Variants in ERC2 observed in about 807,000 individuals in gnomAD.
ERC2 encodes the protein ERC protein 2.
Under a neutral mutation model 114.8 loss-of-function variants are expected in ERC2, and 42 were observed. The ratio of observed to expected loss-of-function variants is 0.37; its 90% CI spans 0.29 to 0.47. ERC2 has a LOEUF of 0.47. ERC2 is among the 20% of genes least tolerant of loss of function. The pLI is 0.99. For synonymous variants in ERC2, 454 were observed against 425.5 expected (o/e 1.07, Z -0.82); for missense variants, 939 against 1,150.7 (o/e 0.82, Z 2.66).
At chr3:55,754,064 T>A (rs1340381867) in intron 14 of ERC2, among the ~76,000 whole-genome samples, 3 of 152,230 alleles carry the variant, frequency 2.0e-5, no homozygotes, top group Non-Finnish European at 2.9e-5. Flanking sequence ...TTATTATTAT[T>A]ATAAATGCAA....
At chr3:56,028,471 T>C (rs1373260311) in intron 7 of ERC2, among the ~76,000 whole-genome samples, 2 of 152,136 alleles carry the variant, frequency 1.3e-5, no homozygotes, top group African/African-American at 4.8e-5. Flanking sequence ...TCTTCTTTAG[T>C]TGTGCTCATT....
intron 7 of ERC2, among the ~76,000 whole-genome samples, chr3:56,053,307 A>G (rs746107978): frequency 2.6e-5 from 4 of 152,158 alleles, no homozygotes; most frequent in Non-Finnish European, 4.4e-5. Context: ...AGTGAGCAGT[A>G]TAACGGGGAT....
intron 2 of ERC2, among the ~76,000 whole-genome samples, chr3:56,365,133 T>G (rs60419369): frequency 0.044 from 6,717 of 152,320 alleles, 173 homozygotes; most frequent in East Asian, 0.078. Flanking sequence ...TTGGCGGCTA[T>G]TATTTTTACT....
chr3:55,947,157 C>T (rs535192163), intron 13 of ERC2, among the ~76,000 whole-genome samples: 1 of 152,248 alleles, frequency 6.6e-6, no homozygotes, highest in African/African-American at 2.4e-5. Flanking sequence ...TCGGAGGTCC[C>T]ATCACCCTAG....
intron 7 of ERC2, among the ~76,000 whole-genome samples, chr3:56,074,059 A>C (rs1241918814): frequency 6.6e-6 from 1 of 152,148 alleles, no homozygotes; most frequent in Admixed American, 6.5e-5. Flanking sequence ...TTTGTCCTAA[A>C]AAGAGGGGTT....
intron 17 of ERC2, among the ~76,000 whole-genome samples, chr3:55,616,253 G>T (rs1023304630): frequency 1.3e-5 from 2 of 152,192 alleles, no homozygotes; most frequent in African/African-American, 4.8e-5. Context: ...TAAAGGCAGG[G>T]TGCCTAACTC....
chr3:56,041,601 C>T (rs1016283502), intron 7 of ERC2, among the ~76,000 whole-genome samples: 8 of 152,136 alleles, frequency 5.3e-5, no homozygotes, highest in Non-Finnish European at 1.2e-4. Flanking sequence ...TCCACCTTTC[C>T]TCTCTCACTT....
intron 2 of ERC2, among the ~76,000 whole-genome samples, chr3:56,305,874 A>G (rs1332996835): frequency 6.6e-6 from 1 of 152,174 alleles, no homozygotes; most frequent in Non-Finnish European, 1.5e-5. Context: ...TTTTTGAGAC[A>G]AAGTCTCATC....
intron 4 of ERC2, among the ~76,000 whole-genome samples, chr3:56,156,099 C>T (rs928149418): frequency 3.3e-5 from 5 of 152,026 alleles, no homozygotes; most frequent in African/African-American, 9.7e-5. Flanking sequence ...ACTGTGGAGA[C>T]GACAAAACCA....
intron 17 of ERC2, among the ~76,000 whole-genome samples, chr3:55,645,000 C>T (rs2060333818): frequency 6.6e-6 from 1 of 151,998 alleles, no homozygotes; most frequent in African/African-American, 2.4e-5. Context: ...GAGAACTTCC[C>T]CCGTTTAAAT....
chr3:56,408,725 G>A (rs894342283), intron 2 of ERC2, among the ~76,000 whole-genome samples: 7 of 152,224 alleles, frequency 4.6e-5, no homozygotes, highest in African/African-American at 1.7e-4. Context: ...AAACGAGGTG[G>A]TAAGGTAAGG....
intron 6 of ERC2, among the ~76,000 whole-genome samples, chr3:56,115,387 G>A (rs921473720): frequency 3.9e-5 from 6 of 152,050 alleles, no homozygotes; most frequent in Admixed American, 3.9e-4. Context: ...CTTGGGGAGG[G>A]CTAACCATAG....
At chr3:56,073,833 T>G (rs2076852282) in intron 7 of ERC2, among the ~76,000 whole-genome samples, 1 of 152,168 alleles carries the variant, frequency 6.6e-6, no homozygotes, top group Non-Finnish European at 1.5e-5. Flanking sequence ...ACGTCAATCC[T>G]TTAAAAATGA....
chr3:55,775,536 C>CT (rs2068527082), intron 14 of ERC2, among the ~76,000 whole-genome samples: 3 of 40,868 alleles, frequency 7.3e-5, no homozygotes, highest in African/African-American at 1.5e-4. Flanking sequence ...GACCCTGTCT[C>CT]AAAATAAATA....
chr3:55,853,590 G>C (rs1485079635), intron 14 of ERC2, among the ~76,000 whole-genome samples: 1 of 152,154 alleles, frequency 6.6e-6, no homozygotes, highest in African/African-American at 2.4e-5. Context: ...AATTGAATTA[G>C]ATATACTCTA....
intron 14 of ERC2, among the ~76,000 whole-genome samples, chr3:55,831,980 C>A (rs1433673977): frequency 6.6e-6 from 1 of 152,214 alleles, no homozygotes; most frequent in Non-Finnish European, 1.5e-5. Flanking sequence ...GAGGGTCCTA[C>A]GTCCACGGAG....
intron 14 of ERC2, among the ~76,000 whole-genome samples, chr3:55,775,900 A>G (rs2149037805): frequency 6.6e-6 from 1 of 152,318 alleles, no homozygotes; most frequent in East Asian, 1.9e-4. Flanking sequence ...CCCCAGGGGC[A>G]GTCTGTATGT....
intron 2 of ERC2, among the ~76,000 whole-genome samples, chr3:56,415,388 T>C (rs904644978): frequency 3.9e-5 from 6 of 152,246 alleles, no homozygotes; most frequent in Admixed American, 1.3e-4. Flanking sequence ...ATTAACTCTA[T>C]AACTATCATT....
chr3:55,750,031 C>G (rs919635293), intron 14 of ERC2, among the ~76,000 whole-genome samples: 1 of 152,106 alleles, frequency 6.6e-6, no homozygotes, highest in South Asian at 2.1e-4. Context: ...AAAGAGCAGT[C>G]TAATGTTGTT....
Sources: allele counts gnomAD v4.1 joint callset (sites outside exome capture counted in the v4.1 genomes callset), GRCh38; gene constraint gnomAD v4.1.1; transcripts MANE v1.5; gene names NCBI Gene and HGNC (gene_info 2026-07-23, HGNC 2026-07-21).